NFIA: variants seen among roughly 807,000 people sequenced by gnomAD.
NFIA encodes the protein nuclear factor 1 A-type.
Under a neutral mutation model 62.8 loss-of-function variants are expected in NFIA, and 8 were observed. The observed-to-expected ratio is 0.13, with a 90% CI of 0.07 to 0.23. The LOEUF (loss-of-function observed/expected upper bound fraction) is 0.23. Among genes scored for constraint, NFIA ranks in the 10% least tolerant of loss-of-function variants. NFIA has a pLI of 1.00. For missense variants in NFIA, 410 were observed against 642.1 expected (o/e 0.64, Z 3.91); for synonymous variants, 235 against 238.1 (o/e 0.99, Z 0.12).
At chr1:61,177,498 T>C (rs952109333) in intron 2 of NFIA, among the ~76,000 whole-genome samples, 1 of 152,222 alleles carries the variant, frequency 6.6e-6, no homozygotes, top group Admixed American at 6.5e-5. Context: ...TCACATTTAA[T>C]GCTTAAAACT....
chr1:61,441,166 A>G (rs1265933254), intron 10 of NFIA, among the ~76,000 whole-genome samples: 4 of 152,214 alleles, frequency 2.6e-5, no homozygotes, highest in Admixed American at 1.3e-4. Flanking sequence ...TTTCCATTTT[A>G]CAAAGGTGTT....
At chr1:61,380,813 T>C (rs909237827) in intron 6 of NFIA, among the ~76,000 whole-genome samples, 3 of 152,180 alleles carry the variant, frequency 2.0e-5, no homozygotes, top group African/African-American at 7.2e-5. Flanking sequence ...CGGTATTTCT[T>C]CCGTCTTTAA....
At chr1:61,284,436 T>C (rs1658351972) in intron 3 of NFIA, among the ~76,000 whole-genome samples, 1 of 152,172 alleles carries the variant, frequency 6.6e-6, no homozygotes, top group Admixed American at 6.5e-5. Context: ...CAAAGGAAAT[T>C]CCTGAGTCTT....
intron 2 of NFIA, among the ~76,000 whole-genome samples, chr1:61,208,869 G>A (rs910391102): frequency 6.6e-6 from 1 of 152,172 alleles, no homozygotes; most frequent in Non-Finnish European, 1.5e-5. Flanking sequence ...GGGCTCAGAC[G>A]TGATTGGTTT....
intron 2 of NFIA, among the ~76,000 whole-genome samples, chr1:61,210,053 T>G (rs1010655632): frequency 1.3e-5 from 2 of 152,222 alleles, no homozygotes; most frequent in African/African-American, 2.4e-5. Flanking sequence ...CTAAAAGATC[T>G]TCTCATGCTG....
intron 2 of NFIA, among the ~76,000 whole-genome samples, chr1:61,243,793 C>G (rs1655486706): frequency 6.6e-6 from 1 of 152,138 alleles, no homozygotes; most frequent in African/African-American, 2.4e-5. Context: ...TTGCAAATTC[C>G]CACATCACCA....
intron 4 of NFIA, among the ~76,000 whole-genome samples, chr1:61,347,314 C>A (rs1018492906): frequency 4.0e-5 from 6 of 151,806 alleles, no homozygotes; most frequent in African/African-American, 1.5e-4. Flanking sequence ...GCTGGGACTA[C>A]AGGCGCCCAC....
chr1:61,162,968 T>G (rs900162433), intron 2 of NFIA, among the ~76,000 whole-genome samples: 2 of 152,186 alleles, frequency 1.3e-5, no homozygotes, highest in Admixed American at 6.5e-5. Context: ...GAGTACATTA[T>G]CAAGAGTACA....
intron 6 of NFIA, among the ~76,000 whole-genome samples, chr1:61,372,799 A>T (rs1350084550): frequency 2.0e-5 from 3 of 152,046 alleles, no homozygotes; most frequent in Non-Finnish European, 4.4e-5. Flanking sequence ...AACATACTTG[A>T]ATTTGAAGTA....
intron 2 of NFIA, among the ~76,000 whole-genome samples, chr1:61,242,813 C>T (rs963888515): frequency 6.6e-6 from 1 of 152,038 alleles, no homozygotes; most frequent in Non-Finnish European, 1.5e-5. Context: ...CATGAAGGTA[C>T]TGGCGTTTTG....
intron 3 of NFIA, 144 bp downstream of exon 3, chr1:61,277,729 T>C: frequency 1.4e-6 from 1 of 730,142 alleles, no homozygotes; most frequent in Non-Finnish European, 2.3e-6. Flanking sequence ...TCAAGTAGAT[T>C]ACTTTTAATA....
intron 7 of NFIA, among the ~76,000 whole-genome samples, chr1:61,402,281 G>A (rs571825901): frequency 1.2e-3 from 185 of 151,850 alleles, no homozygotes; most frequent in African/African-American, 4.3e-3. Context: ...CTCATGATCC[G>A]CCTGCCTCAG....
intron 2 of NFIA, among the ~76,000 whole-genome samples, chr1:61,202,061 A>G (rs1652539126): frequency 6.6e-6 from 1 of 152,178 alleles, no homozygotes; most frequent in Non-Finnish European, 1.5e-5. Flanking sequence ...TGTGACTTAC[A>G]TAACATTGCA....
intron 2 of NFIA, among the ~76,000 whole-genome samples, chr1:61,239,183 A>G (rs1655183505): frequency 6.6e-6 from 1 of 152,170 alleles, no homozygotes; most frequent in African/African-American, 2.4e-5. Flanking sequence ...CCATTTGGGA[A>G]AACCTGGTGT....
chr1:61,427,123 G>A (rs1215820429), intron 10 of NFIA, among the ~76,000 whole-genome samples: 1 of 152,148 alleles, frequency 6.6e-6, no homozygotes, highest in Non-Finnish European at 1.5e-5. Flanking sequence ...GGCAAGGGGT[G>A]TGTATGAGTC....
At chr1:61,367,824 TATATAC>T (rs1212161634) in intron 6 of NFIA, among the ~76,000 whole-genome samples, 7 of 146,456 alleles carry the variant, frequency 4.8e-5, no homozygotes, top group African/African-American at 1.7e-4. Flanking sequence ...GTGTATGTGT[TATATAC>T]ATATATAATA....
At chr1:61,266,572 A>G (rs1657181901) in intron 2 of NFIA, among the ~76,000 whole-genome samples, 1 of 151,752 alleles carries the variant, frequency 6.6e-6, no homozygotes, top group African/African-American at 2.4e-5. Context: ...TAATTTTTGT[A>G]TTTTTAGTAG....
At chr1:61,252,583 A>G (rs990548417) in intron 2 of NFIA, among the ~76,000 whole-genome samples, 2 of 152,264 alleles carry the variant, frequency 1.3e-5, no homozygotes, top group African/African-American at 4.8e-5. Context: ...AGATTATTTT[A>G]GAAATATCTT....
At chr1:61,415,212 C>T (rs1442666907) in intron 9 of NFIA, among the ~76,000 whole-genome samples, 2 of 152,042 alleles carry the variant, frequency 1.3e-5, no homozygotes, top group African/African-American at 4.8e-5. Context: ...ATGTTTCTTA[C>T]ATCAAAACAA....
Sources: gnomAD v4.1 joint callset for allele counts (sites outside exome capture counted in the v4.1 genomes callset) on GRCh38, gnomAD v4.1.1 for gene constraint, MANE v1.5 for transcripts, NCBI Gene and HGNC (gene_info 2026-07-23, HGNC 2026-07-21) for gene names.